FRMPD3: variants seen among roughly 807,000 people sequenced by gnomAD.
FRMPD3 encodes the protein FERM and PDZ domain containing 3.
In FRMPD3, 42 loss-of-function variants were observed where a neutral mutation model predicts 97.9. That is an observed-to-expected ratio of 0.43 (90% confidence interval 0.34 to 0.55). The LOEUF is 0.55. FRMPD3 is among the 20% of genes least tolerant of loss of function. The probability of loss-of-function intolerance (pLI) is 0.03; values close to 1 mark genes in which losing one functional copy is unlikely to be tolerated. For missense variants in FRMPD3, 1,303 were observed against 1,457.7 expected, an observed-to-expected ratio of 0.89 and a Z score of 1.73; for synonymous variants, 577 against 581.1, an observed-to-expected ratio of 0.99 and a Z score of 0.10.
chrX:107,509,080 C>T (rs781549687), intron 1 of FRMPD3, among the ~76,000 whole-genome samples: 9 of 111,682 alleles, frequency 8.1e-5, no homozygotes, highest in South Asian at 3.8e-4. Context: ...ATATTCGCCC[C>T]GCTCCCCCCA....
intron 1 of FRMPD3, among the ~76,000 whole-genome samples, chrX:107,496,886 TG>T (rs945139130): frequency 2.7e-5 from 3 of 112,398 alleles, no homozygotes; most frequent in Admixed American, 9.4e-5. Flanking sequence ...ATCTCCTCTC[TG>T]GCACTTCATT....
chrX:107,538,047 T>C (rs991037203), intron 4 of FRMPD3, among the ~76,000 whole-genome samples: 7 of 111,621 alleles, frequency 6.3e-5, no homozygotes, highest in African/African-American at 2.3e-4. Context: ...ACTGCAGTTC[T>C]GGGGCCAGTT....
chrX:107,539,865 A>G (rs370437507), intron 4 of FRMPD3, among the ~76,000 whole-genome samples: 9 of 111,386 alleles, frequency 8.1e-5, no homozygotes, highest in African/African-American at 2.9e-4. Context: ...CAGGAGTACT[A>G]TAGGAAATCC....
At chrX:107,501,070 A>C (rs1921893230) in intron 1 of FRMPD3, among the ~76,000 whole-genome samples, 2 of 111,044 alleles carry the variant, frequency 1.8e-5, no homozygotes. Flanking sequence ...CAGGCAGAAA[A>C]TATTAAAGAT....
At chrX:107,514,987 T>G (rs752050182) in intron 1 of FRMPD3, among the ~76,000 whole-genome samples, 1 of 111,850 alleles carries the variant, frequency 8.9e-6, no homozygotes, top group Non-Finnish European at 1.9e-5. Flanking sequence ...TGAGGAAGGC[T>G]GAGGGAAGCC....
Position 107,560,365 on chromosome X carries a change from A to G in FRMPD3, c.871A>G (p.Ser291Gly). ...IYITVSATRP[S>G]QKISLKNVEK... ...TATCACTGTCTCAGCCACTCGACCT[A>G]GTCAGAAGATCTCGCTCAAGAATGT... The change falls in exon 9 of 15, where the codon AGT becomes GGT. Residue 291 changes from serine (S) to glycine (G), a missense_variant. Coordinates refer to ENST00000683843, the MANE Select transcript of FRMPD3 (RefSeq NM_001388459.1). The G allele has an allele frequency of 8.3e-7, 1 of 1,209,664 alleles. No individual in the cohort carries two copies. Among genetic ancestry groups the G allele is most frequent in the Non-Finnish European group, 1.1e-6 (1 of 895,123 alleles).
chrX:107,544,821 C>T (rs1371687447), intron 4 of FRMPD3: 1 of 111,544 alleles, frequency 9.0e-6, no homozygotes, highest in Non-Finnish European at 1.9e-5. Flanking sequence ...GGCATGGTGG[C>T]CTGTAAGCCC....
At chrX:107,556,353 A>G (rs959400089) in intron 8 of FRMPD3, among the ~76,000 whole-genome samples, 21 of 109,131 alleles carry the variant, frequency 1.9e-4, no homozygotes, top group Non-Finnish European at 3.4e-4. Flanking sequence ...TCCAAGGATT[A>G]CCTTGGTTTG....
chrX:107,535,055 AT>A, intron 4 of FRMPD3, among the ~76,000 whole-genome samples: 1 of 111,928 alleles, frequency 8.9e-6, no homozygotes, highest in Non-Finnish European at 1.9e-5. Context: ...TGTCTTGAAA[AT>A]GACCACCAGT....
intron 4 of FRMPD3, among the ~76,000 whole-genome samples, chrX:107,535,084 C>T (rs1273869080): frequency 8.9e-6 from 1 of 111,900 alleles, no homozygotes; most frequent in African/African-American, 3.3e-5. Flanking sequence ...CTAAAACATG[C>T]TTGATGTGTG....
At chrX:107,480,895 G>GGAAGGAAAGAAAGAAAGAAA (rs1461084039) in intron 1 of FRMPD3, among the ~76,000 whole-genome samples, 1 of 60,599 alleles carries the variant, frequency 1.7e-5, no homozygotes, top group Non-Finnish European at 3.1e-5. Flanking sequence ...AAGGAAGGAA[G>GGAAGGAAAGAAAGAAAGAAA]GAAAGAAAGA....
chrX:107,603,603 T>A lies in FRMPD3; in HGVS notation c.*230T>A. The A allele has an allele frequency of 1.8e-6, 1 of 549,093 alleles. No homozygotes were observed. Among genetic ancestry groups the A allele is most frequent in the Non-Finnish European group, 2.7e-6 (1 of 371,946 alleles). 45.3% of individuals were successfully genotyped at this position (549,093 alleles called of 1,213,427 possible). On this transcript the variant is annotated 3_prime_UTR_variant, in exon 15 of 15. Coordinates refer to ENST00000683843, the MANE Select transcript of FRMPD3 (RefSeq NM_001388459.1). ...CCCTTCCCTGGCCTCTGGGCCTCAC[T>A]GTGAGGGCAAAGGCCCCTCTTCACT...
chrX:107,469,254 G>A (rs552615950), intron 1 of FRMPD3, among the ~76,000 whole-genome samples: 1 of 112,219 alleles, frequency 8.9e-6, no homozygotes. Context: ...TGGACTTACA[G>A]TTCCACATGG....
intron 1 of FRMPD3, among the ~76,000 whole-genome samples, chrX:107,479,327 CAT>C (rs1921279400): frequency 1.8e-5 from 2 of 111,754 alleles, no homozygotes; most frequent in Non-Finnish European, 3.8e-5. Context: ...TTTGGAAAAT[CAT>C]AAACATTAAT....
chrX:107,537,952 C>A (rs1332311553), intron 4 of FRMPD3, among the ~76,000 whole-genome samples: 1 of 111,456 alleles, frequency 9.0e-6, no homozygotes, highest in Non-Finnish European at 1.9e-5. Context: ...CAAGGTGATG[C>A]TCTGCCTTCT....
chrX:107,529,405 T>C (rs1215864079), intron 2 of FRMPD3, among the ~76,000 whole-genome samples: 1 of 110,675 alleles, frequency 9.0e-6, no homozygotes, highest in Non-Finnish European at 1.9e-5. Context: ...GGCAACATGA[T>C]GATGTTCCAT....
At chrX:107,575,701 T>TC (rs1321098541) in intron 12 of FRMPD3, among the ~76,000 whole-genome samples, 2 of 112,217 alleles carry the variant, frequency 1.8e-5, no homozygotes, top group Non-Finnish European at 3.8e-5. Flanking sequence ...TCCTCCTGCC[T>TC]CGGCCTCCCA....
At chrX:107,466,239 C>G (rs1931560938) in intron 1 of FRMPD3, among the ~76,000 whole-genome samples, 1 of 112,380 alleles carries the variant, frequency 8.9e-6, no homozygotes, top group African/African-American at 3.2e-5. Flanking sequence ...TTGTGCAAGA[C>G]TCTTGGGACA....
At chrX:107,578,861 C>T (rs977128801) in intron 13 of FRMPD3, among the ~76,000 whole-genome samples, 7 of 111,265 alleles carry the variant, frequency 6.3e-5, no homozygotes, top group African/African-American at 2.3e-4. Flanking sequence ...CACTGAGCTG[C>T]CACTGCCCCA....
Sources: gnomAD v4.1 joint callset for allele counts (sites outside exome capture counted in the v4.1 genomes callset) on GRCh38, gnomAD v4.1.1 for gene constraint, MANE v1.5 for transcripts, NCBI Gene and HGNC (gene_info 2026-07-23, HGNC 2026-07-21) for gene names.